Variants in GPR141 observed in about 807,000 individuals in gnomAD.
GPR141 encodes the protein probable G protein-coupled receptor 141.
GPR141 carries 6 observed loss-of-function variants against 6.8 expected under a neutral mutation model. The ratio of observed to expected loss-of-function variants is 0.88; its 90% confidence interval spans 0.48 to 1.74. The LOEUF is 1.74. Among genes scored for constraint, GPR141 ranks in the 40% most tolerant of loss-of-function variants. The probability of loss-of-function intolerance (pLI) is 0.01; values close to 1 mark genes in which losing one functional copy is unlikely to be tolerated. For synonymous variants in GPR141, 140 were observed against 142.3 expected (o/e 0.98, Z 0.11); for missense variants, 372 against 372.9 (o/e 1.00, Z 0.02).
Position 37,741,276 on chromosome 7 carries a change from A to G in GPR141, c.883A>G (p.Ile295Val), listed in dbSNP as rs748484853. Residue 295 changes from isoleucine to valine, a missense_variant, in exon 3 of 3, where the codon ATA (isoleucine) becomes GTA (valine). Ile to Val is a conservative substitution (Grantham distance 29). Transcript: ENST00000334425. ...FGGSHWFKQK[I>V]IGLWNCVLCR ...GGGAAGCCATTGGTTTAAGCAAAAG[A>G]TAATTGGCTTATGGAATTGTGTTTT... 5.6e-6 allele frequency: 9 copies of G among 1,601,282 alleles called. No individual in the cohort carries two copies. The highest frequency in any genetic ancestry group is 1.7e-5 in the Admixed American group (1 of 58,468).
At chr7:37,701,202 G>T (rs570840691) in intron 2 of GPR141, among the ~76,000 whole-genome samples, 1 of 152,148 alleles carries the variant, frequency 6.6e-6, no homozygotes, top group Middle Eastern at 3.2e-3. Context: ...AGAAGAAAAT[G>T]TATGATTATT....
At chr7:37,696,889 C>CAT (rs1331595027) in intron 2 of GPR141, among the ~76,000 whole-genome samples, 1 of 152,028 alleles carries the variant, frequency 6.6e-6, no homozygotes, top group Non-Finnish European at 1.5e-5. Context: ...TTGACACAAA[C>CAT]ATATATAGGT....
rs371200429 is a variant in GPR141 at position 37,733,597 on chromosome 7, G to A, written c.-14-6783G>A. Among the ~76,000 whole-genome samples, 47 of 150,914 alleles carry A rather than the reference G, an allele frequency of 3.1e-4. No homozygotes were observed. In the East Asian group the frequency reaches 6.3e-3, roughly 20 times the overall value. ...TGAGGCAGGAGAATCACTTGAAGCC[G>A]GGAGGCGGAGGTTGCGGTGAGCCGA... On this transcript the variant is annotated intron_variant, in intron 2 of 2. Coordinates refer to ENST00000334425, the MANE Select transcript of GPR141 (RefSeq NM_001381946.1).
At chr7:37,705,611 C>T (rs1810491300) in intron 2 of GPR141, among the ~76,000 whole-genome samples, 1 of 152,060 alleles carries the variant, frequency 6.6e-6, no homozygotes, top group Non-Finnish European at 1.5e-5. Context: ...ACTTGGTAAA[C>T]CTGATTTGAA....
At chr7:37,727,269 C>G (rs920961922) in intron 2 of GPR141, among the ~76,000 whole-genome samples, 5 of 152,110 alleles carry the variant, frequency 3.3e-5, no homozygotes, top group African/African-American at 1.2e-4. Context: ...ATTTCATTCT[C>G]TTTTGCTGTC....
chr7:37,690,809 T>G (rs1001386949), intron 2 of GPR141, among the ~76,000 whole-genome samples: 2 of 152,210 alleles, frequency 1.3e-5, no homozygotes, highest in Non-Finnish European at 2.9e-5. Context: ...TGAAATGTTC[T>G]GTAAATATCA....
At chr7:37,719,824 G>A (rs1351869165) in intron 2 of GPR141, among the ~76,000 whole-genome samples, 1 of 152,156 alleles carries the variant, frequency 6.6e-6, no homozygotes, top group Non-Finnish European at 1.5e-5. Context: ...GTGAGATACA[G>A]CAGGGAATGA....
chr7:37,692,840 G>T (rs963191168), intron 2 of GPR141, among the ~76,000 whole-genome samples: 1 of 152,000 alleles, frequency 6.6e-6, no homozygotes, highest in Non-Finnish European at 1.5e-5. Flanking sequence ...TTTTTGATGG[G>T]GTTGTTTGTT....
chr7:37,699,205 A>C (rs1183335590), intron 2 of GPR141, among the ~76,000 whole-genome samples: 1 of 152,208 alleles, frequency 6.6e-6, no homozygotes, highest in East Asian at 1.9e-4. Context: ...TGTGGGCCAT[A>C]AAGTTTGTAG....
At chr7:37,722,918 TTTCC>T (rs1811408859) in intron 2 of GPR141, among the ~76,000 whole-genome samples, 1 of 145,536 alleles carries the variant, frequency 6.9e-6, no homozygotes, top group South Asian at 2.2e-4. Context: ...AATTTTTCTT[TTTCC>T]TTTCCTTCCT....
chr7:37,737,704 G>T lies in GPR141; in HGVS notation c.-14-2676G>T, dbSNP rs542445343. Among the ~76,000 whole-genome samples the T allele has an allele frequency of 3.3e-5, 5 of 152,064 alleles. No individual in the cohort carries two copies. In the South Asian group the frequency reaches 1.0e-3, roughly 32 times the overall value. On this transcript the variant is annotated intron_variant, in intron 2 of 2. Transcript: ENST00000334425. ...AGATTAGACACCTCTGGTCTAATCT[G>T]TCTGCACATTGACATCCCTCATTTG... is the stretch of plus-strand genomic sequence containing the variant.
At position 37,720,032 on chromosome 7, in the gene GPR141, G is replaced by A. The variant is rs1458788952; in HGVS notation, c.-14-20348G>A. On this transcript the variant is annotated intron_variant, in intron 2 of 2. Transcript: ENST00000334425. Reference sequence around the variant, plus strand: ...AGCCTCTGAAGGGGTGACCAGTCTTGGAGGGTTACTGGTCAAAGAGGAACA... The same window carrying A: ...AGCCTCTGAAGGGGTGACCAGTCTTAGAGGGTTACTGGTCAAAGAGGAACA... 1.3e-5 allele frequency among the ~76,000 whole-genome samples: 2 copies of A among 152,194 alleles called. 1 individual carries two copies. The highest frequency in any genetic ancestry group is 6.3e-3 in the Middle Eastern group (2 of 316).
At position 37,741,173 on chromosome 7, in the gene GPR141, C is replaced by T. The variant is rs1320129507; in HGVS notation, c.780C>T (p.Ser260=). The part of the protein sequence containing the change: ...NVVTHSNACN[S]KVAFYNEIFL... ...TGACGCATTCCAATGCCTGTAACAG[C>T]AAGGTTGCATTTTATAACGAAATCT... Residue 260 remains serine (S), a synonymous_variant, in exon 3 of 3, where the codon AGC becomes AGT. Transcript: ENST00000334425. The T allele has an allele frequency of 4.3e-6, 7 of 1,613,824 alleles. No individual in the cohort carries two copies. Among genetic ancestry groups the T allele is most frequent in the Non-Finnish European group, 5.9e-6 (7 of 1,179,740 alleles).
In GPR141 at chr7:37,741,206, T is replaced by C; in HGVS notation, c.813T>C (p.Ser271=). Reference sequence around the variant, plus strand: ...CATTTTATAACGAAATCTTCTTGAGTGTAACAGCAATTAGCTGCTATGATT... The same window carrying C: ...CATTTTATAACGAAATCTTCTTGAGCGTAACAGCAATTAGCTGCTATGATT... The part of the protein sequence containing the change: ...KVAFYNEIFL[S]VTAISCYDLL... The change falls in exon 3 of 3, where the codon AGT becomes AGC. Residue 271 remains serine, a synonymous_variant. Transcript: ENST00000334425. The C allele has an allele frequency of 6.2e-7, 1 of 1,613,618 alleles. No homozygotes were observed. Among genetic ancestry groups the C allele is most frequent in the Non-Finnish European group, 8.5e-7 (1 of 1,179,516 alleles).
chr7:37,707,808 A>G (rs1479801130), intron 2 of GPR141, among the ~76,000 whole-genome samples: 2 of 152,176 alleles, frequency 1.3e-5, no homozygotes, highest in Non-Finnish European at 2.9e-5. Context: ...GGTTGGGAGC[A>G]AAGAGAGAAA....
chr7:37,737,998 C>T (rs13233164), intron 2 of GPR141, among the ~76,000 whole-genome samples: 13,736 of 152,202 alleles, frequency 0.09, 814 homozygotes, highest in East Asian at 0.24. Flanking sequence ...GGCCTCCTTT[C>T]CTTCTTGTAT....
rs7780507 is a variant in GPR141 at position 37,743,498 on chromosome 7, C to A, written c.*2187C>A. 0.77 allele frequency among the ~76,000 whole-genome samples: 115,986 copies of A among 151,566 alleles called. 44,613 individuals are homozygous for A. The highest frequency in any genetic ancestry group is 0.84 in the Middle Eastern group (244 of 292). On this transcript the variant is annotated 3_prime_UTR_variant, in exon 3 of 3. Coordinates refer to ENST00000334425, the MANE Select transcript of GPR141 (RefSeq NM_001381946.1). ...TTTTGAACCATAAAATTTGTAAGACCGTTACTAAGACCCCTGATAGTTTTA... is the reference window on the plus strand; with the variant it reads ...TTTTGAACCATAAAATTTGTAAGACAGTTACTAAGACCCCTGATAGTTTTA...
At chr7:37,684,374 A>T (rs553701043) in intron 1 of GPR141, among the ~76,000 whole-genome samples, 10 of 152,356 alleles carry the variant, frequency 6.6e-5, no homozygotes, top group Middle Eastern at 6.8e-3. Context: ...TAAGCAATCA[A>T]GTACTTAGAA....
At chr7:37,697,045 G>T (rs776024925) in intron 2 of GPR141, among the ~76,000 whole-genome samples, 2 of 152,128 alleles carry the variant, frequency 1.3e-5, no homozygotes, top group African/African-American at 2.4e-5. Context: ...CATTCCAGGA[G>T]ACTATAATTA....
Sources: allele counts gnomAD v4.1 joint callset (sites outside exome capture counted in the v4.1 genomes callset), GRCh38; gene constraint gnomAD v4.1.1; transcripts MANE v1.5; gene names NCBI Gene and HGNC (gene_info 2026-07-23, HGNC 2026-07-21).